CASKIN1: variants seen among roughly 807,000 people sequenced by gnomAD.
The protein encoded by CASKIN1 is caskin-1.
CASKIN1 carries 42 observed loss-of-function variants against 117.5 expected under a neutral mutation model. The ratio of observed to expected loss-of-function variants is 0.36; its 90% CI spans 0.28 to 0.46. CASKIN1 has a LOEUF of 0.46. Ranked by LOEUF, CASKIN1 falls within the 20% of genes least tolerant of loss-of-function variation. The probability of loss-of-function intolerance (pLI) is 1.00; values close to 1 mark genes in which losing one functional copy is unlikely to be tolerated. For synonymous variants in CASKIN1, 1,148 were observed against 961.7 expected (o/e 1.19, Z -3.59); for missense variants, 2,083 against 2,077.3 (o/e 1.00, Z -0.05).
chr16:2,191,585 T>C (rs1473502857), intron 1 of CASKIN1, among the ~76,000 whole-genome samples: 4 of 152,180 alleles, frequency 2.6e-5, no homozygotes, highest in African/African-American at 4.8e-5. Flanking sequence ...TTACTAATAT[T>C]AGCCGTACAG....
intron 7 of CASKIN1, 30 bp downstream of exon 7, chr16:2,187,323 G>A (rs1596691322): frequency 1.2e-6 from 2 of 1,613,360 alleles, no homozygotes; most frequent in Admixed American, 1.7e-5. Flanking sequence ...ACAGTCCACT[G>A]GGCCCAGCGC....
rs1166152804 is a variant in CASKIN1, at chr16:2,181,655, C to T, written c.1769-56G>A. ...GACCAGGAGGCGGAGGGGCAGGGGC[C>T]GGGCTAGGGGCGGGGCTGGGCTGGG... On this transcript the variant is annotated intron_variant, in intron 17 of 19. Coordinates refer to ENST00000343516, the MANE Select transcript of CASKIN1 (RefSeq NM_020764.4). 2.9e-4 allele frequency: 37 copies of T among 129,762 alleles called. 1 individual carries two copies. In the East Asian group the frequency reaches 4.3e-3, roughly 15 times the overall value. 8.0% of individuals were successfully genotyped at this position (129,762 alleles called of 1,614,324 possible).
rs2093180338 is a variant in CASKIN1 at position 2,185,189 on chromosome 16, T to C, written c.1161A>G (p.Arg387=). 1.2e-6 allele frequency: 2 copies of C among 1,611,068 alleles called. No homozygotes were observed. The highest frequency in any genetic ancestry group is 1.7e-6 in the Non-Finnish European group (2 of 1,179,492). The change falls in exon 12 of 20, where the codon CGA becomes CGG. Residue 387 remains arginine (R), a synonymous_variant. Transcript: ENST00000343516. ...VLRKPFAGGD[R]SGSISGMAGG... Reference sequence around the variant, plus strand: ...CAGCCATGCCGCTAATGCTGCCGCTTCGGTCCCCACCTGCCAGCACAAGGG... The same window carrying C: ...CAGCCATGCCGCTAATGCTGCCGCTCCGGTCCCCACCTGCCAGCACAAGGG...
chr16:2,180,030 G>A lies in CASKIN1; in HGVS notation c.3338C>T (p.Pro1113Leu), dbSNP rs1304948073. The A allele has an allele frequency of 3.1e-6, 5 of 1,588,312 alleles. No homozygotes were observed. The highest frequency in any genetic ancestry group is 1.7e-5 in the Admixed American group (1 of 57,410). ...GCTGGCTTCCACCTTGGCCAAGGGCGGGCCTTCGACACCCGCCTCGCCCTT... is the reference window on the plus strand; with the variant it reads ...GCTGGCTTCCACCTTGGCCAAGGGCAGGCCTTCGACACCCGCCTCGCCCTT... ...PSKGEAGVEGPPLAKVEASAT... is the reference protein window; with the variant it reads ...PSKGEAGVEGLPLAKVEASAT... The change falls in exon 18 of 20, where the codon CCG (proline) becomes CTG (leucine). Residue 1113 changes from proline (P) to leucine (L), a missense_variant. Physicochemically the swap from Pro to Leu is moderately conservative, Grantham distance 98. Transcript: ENST00000343516.
Position 2,179,942 on chromosome 16 carries a change from C to G in CASKIN1, c.3426G>C (p.Leu1142=), listed in dbSNP as rs1453384156. The G allele has an allele frequency of 6.2e-7, 1 of 1,606,182 alleles. No individual in the cohort carries two copies. Among genetic ancestry groups the G allele is most frequent in the African/African-American group, 1.3e-5 (1 of 74,812 alleles). Residue 1142 remains leucine (L), a synonymous_variant, in exon 18 of 20, where the codon CTG becomes CTC. Coordinates refer to ENST00000343516, the MANE Select transcript of CASKIN1 (RefSeq NM_020764.4). This position sits in a 1 kb window ranked among gnomAD's most constrained non-coding sequence, Gnocchi z 5.8. ...QNQQENVKFI[L]TESDTVKRRP... is the part of the protein sequence containing the mutation. ...TGCGCTTGACCGTGTCAGACTCGGT[C>G]AGGATGAACTTGACGTTCTCCTGCT... is the stretch of plus-strand genomic sequence containing the variant.
intron 1 of CASKIN1, among the ~76,000 whole-genome samples, chr16:2,195,336 AG>A (rs555302307): frequency 6.6e-6 from 1 of 152,098 alleles, no homozygotes; most frequent in South Asian, 2.1e-4. Context: ...GAGGAAGGGG[AG>A]GGGGACTCTC....
At position 2,182,068 on chromosome 16, in the gene CASKIN1, G is replaced by C. The variant is rs2093169906; in HGVS notation, c.1630-139C>G. 8.2e-7 allele frequency: 1 copy of C among 1,219,134 alleles called. No individual in the cohort carries two copies. Among genetic ancestry groups the C allele is most frequent in the Non-Finnish European group, 1.2e-6 (1 of 868,582 alleles). The allele number at this position is 1,219,134 out of a possible 1,614,324, so 75.5% of individuals were successfully genotyped here. On this transcript the variant is annotated intron_variant, in intron 16 of 19. Coordinates refer to ENST00000343516, the MANE Select transcript of CASKIN1 (RefSeq NM_020764.4). The surrounding 1 kb of genome is among the most constrained non-coding windows in gnomAD (Gnocchi z 4.1). Reference sequence around the variant, plus strand: ...GGACAAACGGATAGGCCGAGGTATTGGCACCAGAAATGTAGGCAGAGCCTC... The same window carrying C: ...GGACAAACGGATAGGCCGAGGTATTCGCACCAGAAATGTAGGCAGAGCCTC...
chr16:2,181,256 G>A lies in CASKIN1; in HGVS notation c.2112C>T (p.Ser704=). The change falls in exon 18 of 20, where the codon AGC becomes AGT. Residue 704 remains serine (S), a synonymous_variant. Coordinates refer to ENST00000343516, the MANE Select transcript of CASKIN1 (RefSeq NM_020764.4). Reference sequence around the variant, plus strand: ...CATCTCCCAGCAGCTCCTGCGAGCTGCTCATGTGCCGTGCCCGACCACCCA... The same window carrying A: ...CATCTCCCAGCAGCTCCTGCGAGCTACTCATGTGCCGTGCCCGACCACCCA... ...SSLGGRARHM[S]SSQELLGDGP... The A allele has an allele frequency of 1.3e-6, 2 of 1,599,974 alleles. No individual in the cohort carries two copies. The highest frequency in any genetic ancestry group is 8.5e-7 in the Non-Finnish European group (1 of 1,178,730).
intron 6 of CASKIN1, among the ~76,000 whole-genome samples, chr16:2,187,804 A>T (rs1033147299): frequency 6.6e-6 from 1 of 151,124 alleles, no homozygotes; most frequent in Admixed American, 6.6e-5. Context: ...TATTTTTAGT[A>T]GAGACGGGGT....
Position 2,180,701 on chromosome 16 carries a change from G to C in CASKIN1, c.2667C>G (p.Ser889=). 6.7e-7 allele frequency: 1 copy of C among 1,493,044 alleles called. No individual in the cohort carries two copies. The highest frequency in any genetic ancestry group is 8.9e-7 in the Non-Finnish European group (1 of 1,127,798). 92.5% of individuals were successfully genotyped at this position (1,493,044 alleles called of 1,614,324 possible). The part of the protein sequence containing the change: ...RAHSLNRYAA[S]DSEPERDELL... ...GCTCGTCCCGCTCCGGCTCGCTGTCGGACGCCGCATAGCGATTCAGGCTGT... is the reference window on the plus strand; with the variant it reads ...GCTCGTCCCGCTCCGGCTCGCTGTCCGACGCCGCATAGCGATTCAGGCTGT... Residue 889 remains serine (S), a synonymous_variant, in exon 18 of 20, where the codon TCC becomes TCG. Transcript: ENST00000343516.
chr16:2,192,405 A>G (rs1158312243), intron 1 of CASKIN1, among the ~76,000 whole-genome samples: 1 of 151,828 alleles, frequency 6.6e-6, no homozygotes, highest in Non-Finnish European at 1.5e-5. Context: ...CCGACAACGG[A>G]CAGTGGCTGT....
chr16:2,190,292 C>T lies in CASKIN1; in HGVS notation c.146+15G>A, dbSNP rs780389010. 1.3e-4 allele frequency: 209 copies of T among 1,576,110 alleles called. 1 individual carries two copies. In the South Asian group the frequency reaches 1.5e-3, roughly 12 times the overall value. On this transcript the variant is annotated intron_variant, in intron 2 of 19. Transcript: ENST00000343516. ...CCCTCCCTTCCAGGCAGGCACCACC[C>T]GGCTCAGAACTCACCCATCCGGGTC...
chr16:2,191,957 C>A (rs1052852206), intron 1 of CASKIN1, among the ~76,000 whole-genome samples: 1 of 152,242 alleles, frequency 6.6e-6, no homozygotes, highest in Non-Finnish European at 1.5e-5. Flanking sequence ...CCACATCCCT[C>A]GGTCCAACCT....
Position 2,185,141 on chromosome 16 carries a change from G to T in CASKIN1, c.1209C>A (p.His403Gln), listed in dbSNP as rs535406756. Residue 403 changes from histidine to glutamine, a missense_variant, in exon 12 of 20, where the codon CAC becomes CAA. His to Gln is a conservative substitution (Grantham distance 24). Coordinates refer to ENST00000343516, the MANE Select transcript of CASKIN1 (RefSeq NM_020764.4). ...CGCCTTCAGAGCCCGCGTGTAGGGC[G>T]TGACCCCCGCTGCCCCGGCCGCCAG... is the stretch of plus-strand genomic sequence containing the variant. ...GMAGGRGSGGHALHAGSEGVK... is the reference protein window; with the variant it reads ...GMAGGRGSGGQALHAGSEGVK... 1.9e-6 allele frequency: 3 copies of T among 1,608,708 alleles called. No homozygotes were observed. The highest frequency in any genetic ancestry group is 2.5e-6 in the Non-Finnish European group (3 of 1,179,648).
At chr16:2,195,426 G>A (rs981083782) in intron 1 of CASKIN1, among the ~76,000 whole-genome samples, 1 of 152,238 alleles carries the variant, frequency 6.6e-6, no homozygotes, top group African/African-American at 2.4e-5. Context: ...CCCTGTCCGT[G>A]CCCGCACAGG....
chr16:2,188,597 C>T (rs2093191713), intron 6 of CASKIN1, among the ~76,000 whole-genome samples: 1 of 152,184 alleles, frequency 6.6e-6, no homozygotes, highest in African/African-American at 2.4e-5. Context: ...GCAATCCTCC[C>T]TCCTTGGCCT....
In CASKIN1 at chr16:2,178,071, T is replaced by G. The variant is rs1017076413; in HGVS notation, c.*479A>C. On this transcript the variant is annotated 3_prime_UTR_variant, in exon 20 of 20. Transcript: ENST00000343516. ...TATTTGTTAAAGTTATACCTTTTTG[T>G]TTCTCTGGGGAAATCCGCCTCAGCT... 2.1e-6 allele frequency: 1 copy of G among 486,860 alleles called. No individual in the cohort carries two copies. Among genetic ancestry groups the G allele is most frequent in the East Asian group, 4.7e-5 (1 of 21,480 alleles). 30.2% of individuals were successfully genotyped at this position (486,860 alleles called of 1,614,324 possible).
In CASKIN1 at chr16:2,187,085, G is replaced by A. The variant is rs1406629025; in HGVS notation, c.836-13C>T. On this transcript the variant is annotated splice_polypyrimidine_tract_variant and intron_variant, in intron 8 of 19. Transcript: ENST00000343516. The stretch of plus-strand genomic sequence containing the variant: ...GCCGCTGAGGCCTCTGGGGATACAG[G>A]AGGGGGCCCCCGAAGTCCTGCGGGC... The A allele has an allele frequency of 6.2e-7, 1 of 1,613,262 alleles. No individual in the cohort carries two copies. Among genetic ancestry groups the A allele is most frequent in the Admixed American group, 1.7e-5 (1 of 60,002 alleles).
At chr16:2,186,612 G>T in intron 10 of CASKIN1, 95 bp downstream of exon 10, 1 of 1,107,462 alleles carries the variant, frequency 9.0e-7, no homozygotes, top group Non-Finnish European at 1.3e-6. Flanking sequence ...CAGAAACCCA[G>T]CCCTGCTGGG....
Sources: gnomAD v4.1 joint callset for allele counts (sites outside exome capture counted in the v4.1 genomes callset) on GRCh38, gnomAD v4.1.1 for gene constraint, Gnocchi (gnomAD v3.1) non-coding constraint, MANE v1.5 for transcripts, NCBI Gene and HGNC (gene_info 2026-07-23, HGNC 2026-07-21) for gene names.